Variants in XYLT1 observed in about 807,000 individuals in gnomAD.
The protein encoded by XYLT1 is xylosyltransferase 1, also known as beta-D-xylosyltransferase 1.
Under a neutral mutation model 91.3 loss-of-function variants are expected in XYLT1, and 36 were observed. The observed-to-expected ratio is 0.39, with a 90% confidence interval of 0.30 to 0.52. XYLT1 has a LOEUF of 0.52. XYLT1 is among the 20% of genes least tolerant of loss of function. XYLT1 has a pLI of 0.68. For synonymous variants in XYLT1, 588 were observed against 532.0 expected, an observed-to-expected ratio of 1.11 and a Z score of -1.45; for missense variants, 1,242 against 1,284.5, an observed-to-expected ratio of 0.97 and a Z score of 0.51.
chr16:17,302,883 G>C (rs1370242634), intron 2 of XYLT1, among the ~76,000 whole-genome samples: 3 of 151,126 alleles, frequency 2.0e-5, no homozygotes. Flanking sequence ...TTGACCTTGG[G>C]TCTAGAATGG....
Position 17,259,463 on chromosome 16 carries a change from C to G in XYLT1, c.438G>C (p.Val146=). Residue 146 remains valine, a synonymous_variant, in exon 3 of 12, where the codon GTG becomes GTC. Coordinates refer to ENST00000261381, the MANE Select transcript of XYLT1 (RefSeq NM_022166.4). ...GYFSHRPKEK[V]RTDSNNENSV... ...AGTTCTCGTTGTTGCTGTCTGTTCGCACTTTCTCTTTCGGCCGATGAGAAA... is the reference window on the plus strand; with the variant it reads ...AGTTCTCGTTGTTGCTGTCTGTTCGGACTTTCTCTTTCGGCCGATGAGAAA... 6.2e-7 allele frequency: 1 copy of G among 1,611,886 alleles called. No homozygotes were observed.
intron 1 of XYLT1, among the ~76,000 whole-genome samples, chr16:17,364,037 A>C (rs982375701): frequency 1.3e-5 from 2 of 152,174 alleles, no homozygotes; most frequent in African/African-American, 2.4e-5. Flanking sequence ...CATTAATTTA[A>C]TGCAATCACC....
intron 5 of XYLT1, among the ~76,000 whole-genome samples, chr16:17,195,594 C>T (rs995309573): frequency 2.3e-4 from 35 of 152,064 alleles, no homozygotes; most frequent in African/African-American, 8.2e-4. Context: ...TACAGGCACG[C>T]ACCACCATGC....
chr16:17,140,583 C>T lies in XYLT1; in HGVS notation c.1587+570G>A, dbSNP rs150417405. ...GGCTGAGGCAGCAGAATTGCTTGAA[C>T]TCTGGAGGTAGAGGTTGCAGTGAGC... On this transcript the variant is annotated intron_variant, in intron 7 of 11. Transcript: ENST00000261381. Among the ~76,000 whole-genome samples, 561 of 142,096 alleles carry T rather than the reference C, an allele frequency of 3.9e-3. 2 individuals carry two copies. The highest frequency in any genetic ancestry group is 0.014 in the African/African-American group (527 of 38,644). 93.2% of individuals were successfully genotyped at this position (142,096 alleles called of 152,430 possible).
At chr16:17,447,185 A>G (rs983668478) in intron 1 of XYLT1, among the ~76,000 whole-genome samples, 1 of 152,144 alleles carries the variant, frequency 6.6e-6, no homozygotes, top group African/African-American at 2.4e-5. Flanking sequence ...GCGGCCTGCT[A>G]TTTATTTCCT....
intron 3 of XYLT1, among the ~76,000 whole-genome samples, chr16:17,255,923 A>T (rs2033623502): frequency 6.6e-6 from 1 of 152,132 alleles, no homozygotes; most frequent in South Asian, 2.1e-4. Flanking sequence ...CAGGAGAATC[A>T]CTTGAACCTA....
At chr16:17,332,898 C>T (rs558842857) in intron 2 of XYLT1, among the ~76,000 whole-genome samples, 1 of 152,200 alleles carries the variant, frequency 6.6e-6, no homozygotes, top group African/African-American at 2.4e-5. Context: ...GTGTGTAGCT[C>T]AAGCAGAATC....
chr16:17,443,982 T>C (rs2036562360), intron 1 of XYLT1, among the ~76,000 whole-genome samples: 1 of 152,102 alleles, frequency 6.6e-6, no homozygotes, highest in Non-Finnish European at 1.5e-5. Flanking sequence ...CCCTCTTCCT[T>C]TCCCCCACCA....
At chr16:17,412,847 T>C (rs115597871) in intron 1 of XYLT1, among the ~76,000 whole-genome samples, 2,659 of 152,094 alleles carry the variant, frequency 0.017, 70 homozygotes, top group African/African-American at 0.06. Flanking sequence ...GTTTTCCTAA[T>C]GGCAGCACTC....
intron 1 of XYLT1, among the ~76,000 whole-genome samples, chr16:17,453,675 G>A (rs1258401081): frequency 1.1e-4 from 17 of 152,182 alleles, no homozygotes; most frequent in South Asian, 2.1e-4. Context: ...AATGACACAC[G>A]CTACTGCAGG....
intron 2 of XYLT1, among the ~76,000 whole-genome samples, chr16:17,321,511 C>T (rs2034721082): frequency 6.6e-6 from 1 of 151,922 alleles, no homozygotes; most frequent in South Asian, 2.1e-4. Flanking sequence ...GAATGCACCA[C>T]CACGCTCTGC....
chr16:17,345,732 TTGCTTAA>T (rs755424948), intron 2 of XYLT1, among the ~76,000 whole-genome samples: 2 of 152,234 alleles, frequency 1.3e-5, no homozygotes, highest in African/African-American at 2.4e-5. Flanking sequence ...CACTGTTCTG[TTGCTTAA>T]TGCACGTTAA....
At chr16:17,465,669 C>T (rs1419416985) in intron 1 of XYLT1, among the ~76,000 whole-genome samples, 2 of 152,088 alleles carry the variant, frequency 1.3e-5, no homozygotes, top group African/African-American at 2.4e-5. Flanking sequence ...TACCACATTC[C>T]GTCCTGCTCA....
chr16:17,323,198 T>C (rs912267282), intron 2 of XYLT1, among the ~76,000 whole-genome samples: 2 of 152,260 alleles, frequency 1.3e-5, no homozygotes, highest in African/African-American at 2.4e-5. Flanking sequence ...ATTGATTTTC[T>C]ATGATATCCC....
At chr16:17,271,151 T>TTTTG (rs76240696) in intron 2 of XYLT1, among the ~76,000 whole-genome samples, 36,771 of 151,362 alleles carry the variant, frequency 0.24, 4,576 homozygotes, top group African/African-American at 0.26. Flanking sequence ...CCTAACTGTT[T>TTTTG]TTTGTTTGTT....
intron 1 of XYLT1, among the ~76,000 whole-genome samples, chr16:17,444,512 C>CTTTTT (rs56872670): frequency 7.0e-6 from 1 of 143,688 alleles, no homozygotes. Flanking sequence ...ACTTCTTCTT[C>CTTTTT]TTTTTTTTTT....
intron 1 of XYLT1, among the ~76,000 whole-genome samples, chr16:17,465,625 G>A (rs1244188208): frequency 6.7e-6 from 1 of 149,872 alleles, no homozygotes; most frequent in African/African-American, 2.5e-5. Context: ...CTGACATACA[G>A]CAGGCACTCA....
At chr16:17,433,206 CCAA>C (rs1274074755) in intron 1 of XYLT1, among the ~76,000 whole-genome samples, 1 of 152,160 alleles carries the variant, frequency 6.6e-6, no homozygotes, top group Non-Finnish European at 1.5e-5. Flanking sequence ...CCATGCCCAC[CCAA>C]CAAGCCATGT....
In XYLT1 at chr16:17,307,848, T is replaced by C. The variant is rs556436987; in HGVS notation, c.403-48350A>G. 5.3e-5 allele frequency among the ~76,000 whole-genome samples: 8 copies of C among 152,274 alleles called. No individual in the cohort carries two copies. The South Asian group carries it at 1.2e-3, about 24-fold the overall frequency. On this transcript the variant is annotated intron_variant, in intron 2 of 11. Coordinates refer to ENST00000261381, the MANE Select transcript of XYLT1 (RefSeq NM_022166.4). ...ACCCAGCAGGGGTAAGCACAGCCTC[T>C]AAGGAGAGGGCAGTGAAGGGTTAAA... is the stretch of plus-strand genomic sequence containing the variant.
Sources: gnomAD v4.1 joint callset for allele counts (sites outside exome capture counted in the v4.1 genomes callset) on GRCh38, gnomAD v4.1.1 for gene constraint, MANE v1.5 for transcripts, NCBI Gene and HGNC (gene_info 2026-07-23, HGNC 2026-07-21) for gene names.